The following PRMT8 variants were observed in gnomAD, a reference collection of about 807,000 sequenced individuals.
PRMT8 encodes the protein protein arginine N-methyltransferase 8.
Under a neutral mutation model 47.1 loss-of-function variants are expected in PRMT8, and 7 were observed. That is an observed-to-expected ratio of 0.15 (90% confidence interval 0.08 to 0.28). The LOEUF is 0.28. Among genes scored for constraint, PRMT8 ranks in the 10% least tolerant of loss-of-function variants. The pLI is 1.00. For synonymous variants in PRMT8, 188 were observed against 186.5 expected (o/e 1.01, Z -0.07); for missense variants, 237 against 505.4 (o/e 0.47, Z 5.09).
intron 1 of PRMT8, among the ~76,000 whole-genome samples, chr12:3,494,250 G>C (rs1565422654): frequency 2.0e-5 from 3 of 152,154 alleles, no homozygotes; most frequent in African/African-American, 7.2e-5. Context: ...CCCTCCTCTG[G>C]AGGGGCTCAC....
At chr12:3,555,791 G>T (rs11616177) in intron 4 of PRMT8, among the ~76,000 whole-genome samples, 1 of 113,904 alleles carries the variant, frequency 8.8e-6, no homozygotes, top group East Asian at 3.6e-4. Flanking sequence ...GGACCTGAGG[G>T]TGCATTGAGT....
At chr12:3,487,262 G>A (rs926992286), upstream of PRMT8, among the ~76,000 whole-genome samples, 24 of 152,232 alleles carry the variant, frequency 1.6e-4, no homozygotes, top group African/African-American at 5.8e-4. Context: ...CCTGGGAGGA[G>A]GAGGAGAAAA....
At chr12:3,398,792 A>G (rs888933564) in intron 1 of PRMT8, among the ~76,000 whole-genome samples, 14 of 152,366 alleles carry the variant, frequency 9.2e-5, no homozygotes, top group Admixed American at 7.8e-4. Flanking sequence ...AGGGTCAGTC[A>G]TGATGACGTT....
intron 1 of PRMT8, among the ~76,000 whole-genome samples, chr12:3,419,094 C>T (rs886679230): frequency 1.3e-5 from 2 of 152,208 alleles, no homozygotes; most frequent in Admixed American, 6.5e-5. Flanking sequence ...CATAGCACTT[C>T]ACCTCCTCAA....
chr12:3,428,125 A>T (rs954719025), intron 1 of PRMT8, among the ~76,000 whole-genome samples: 2 of 152,158 alleles, frequency 1.3e-5, no homozygotes, highest in African/African-American at 4.8e-5. Context: ...TCCTGAAGGG[A>T]GTTCCTCATA....
At chr12:3,424,746 G>T (rs1055847145) in intron 1 of PRMT8, among the ~76,000 whole-genome samples, 24 of 152,066 alleles carry the variant, frequency 1.6e-4, no homozygotes, top group African/African-American at 5.6e-4. Flanking sequence ...TAGGGTCCTT[G>T]TTCACTTATA....
intron 1 of PRMT8, among the ~76,000 whole-genome samples, chr12:3,518,872 AG>A (rs1168205813): frequency 6.6e-6 from 1 of 152,216 alleles, no homozygotes; most frequent in Non-Finnish European, 1.5e-5. Flanking sequence ...GGCCTTTTAA[AG>A]GTTAATTTTG....
At chr12:3,411,111 C>T (rs1046807231) in intron 1 of PRMT8, among the ~76,000 whole-genome samples, 2 of 152,188 alleles carry the variant, frequency 1.3e-5, no homozygotes, top group African/African-American at 4.8e-5. Context: ...GAGCATAGCT[C>T]TTTGGGGTCC....
chr12:3,438,543 A>G (rs1303950730), intron 1 of PRMT8, among the ~76,000 whole-genome samples: 1 of 152,196 alleles, frequency 6.6e-6, no homozygotes, highest in Non-Finnish European at 1.5e-5. Flanking sequence ...TGGGGCGGGT[A>G]GTCCCAATGT....
chr12:3,517,047 C>T (rs1865803845), intron 1 of PRMT8, among the ~76,000 whole-genome samples: 1 of 152,126 alleles, frequency 6.6e-6, no homozygotes, highest in African/African-American at 2.4e-5. Context: ...AACAATAAAA[C>T]ACCTAAAGCC....
At chr12:3,563,760 A>C (rs1303949173) in intron 4 of PRMT8, among the ~76,000 whole-genome samples, 1 of 152,158 alleles carries the variant, frequency 6.6e-6, no homozygotes, top group African/African-American at 2.4e-5. Flanking sequence ...TCTAAACTCC[A>C]GTTCACTCCT....
At chr12:3,381,598 C>T (rs1446420614) in intron 1 of PRMT8, among the ~76,000 whole-genome samples, 2 of 152,190 alleles carry the variant, frequency 1.3e-5, no homozygotes, top group African/African-American at 4.8e-5. Context: ...ACATGCTGCT[C>T]TGGGCTTTGC....
rs921510670 is a variant in PRMT8, at chr12:3,456,574, G to A, written c.48+75132G>A. Among the ~76,000 whole-genome samples, 5 of 152,050 alleles carry A rather than the reference G, an allele frequency of 3.3e-5. No individual in the cohort carries two copies. Among genetic ancestry groups the A allele is most frequent in the East Asian group, 1.9e-4 (1 of 5,170 alleles). ...CCAATTCACCAACAGCCTTCTCCTC[G>A]CGAAACGCCCGGGACCATCCGTCTG... On this transcript the variant is annotated intron_variant, in intron 1 of 9. Coordinates refer to the PRMT8 transcript ENST00000452611. This position sits in a 1 kb window ranked among gnomAD's most constrained non-coding sequence, Gnocchi z 4.2.
At chr12:3,575,307 CCT>C (rs759226707) in intron 6 of PRMT8, among the ~76,000 whole-genome samples, 1 of 152,204 alleles carries the variant, frequency 6.6e-6, no homozygotes, top group Non-Finnish European at 1.5e-5. Flanking sequence ...TCCCTAAGGT[CCT>C]GTTTGTTTGG....
At chr12:3,444,266 T>C (rs184195710) in intron 1 of PRMT8, among the ~76,000 whole-genome samples, 1 of 152,190 alleles carries the variant, frequency 6.6e-6, no homozygotes, top group Non-Finnish European at 1.5e-5. Context: ...CTGACCTGCA[T>C]GCAGTGCCCT....
intron 4 of PRMT8, among the ~76,000 whole-genome samples, chr12:3,562,315 G>A (rs1866650713): frequency 6.6e-6 from 1 of 152,120 alleles, no homozygotes; most frequent in African/African-American, 2.4e-5. Flanking sequence ...AATCTTCAAA[G>A]TGAGTTTCAT....
At chr12:3,468,014 A>G (rs1865120643) in intron 1 of PRMT8, among the ~76,000 whole-genome samples, 1 of 152,300 alleles carries the variant, frequency 6.6e-6, no homozygotes, top group East Asian at 1.9e-4. Flanking sequence ...ATTTCTGCCA[A>G]TCCTCCTGAA....
At chr12:3,435,914 C>A (rs927552984) in intron 1 of PRMT8, among the ~76,000 whole-genome samples, 3 of 152,170 alleles carry the variant, frequency 2.0e-5, no homozygotes, top group Admixed American at 6.5e-5. Flanking sequence ...TGATATATTT[C>A]ATCTATAGGA....
chr12:3,527,308 G>C (rs1359370268), intron 1 of PRMT8, among the ~76,000 whole-genome samples: 1 of 151,906 alleles, frequency 6.6e-6, no homozygotes, highest in Non-Finnish European at 1.5e-5. Flanking sequence ...TGATAACCAA[G>C]ACAGTTAAGC....
Sources: gnomAD v4.1 joint callset for allele counts (sites outside exome capture counted in the v4.1 genomes callset) on GRCh38, gnomAD v4.1.1 for gene constraint, Gnocchi (gnomAD v3.1) non-coding constraint, MANE v1.5 for transcripts, NCBI Gene and HGNC (gene_info 2026-07-23, HGNC 2026-07-21) for gene names.